CORO7: variants seen among roughly 807,000 people sequenced by gnomAD.
The protein encoded by CORO7 is coronin-7.
CORO7 carries 107 observed loss-of-function variants against 126.6 expected under a neutral mutation model. The ratio of observed to expected loss-of-function variants is 0.85; its 90% CI spans 0.72 to 0.99. CORO7 has a LOEUF of 0.99. Among genes scored for constraint, CORO7 ranks in the 50% least tolerant of loss-of-function variants. The pLI is 0.00. For synonymous variants in CORO7, 603 were observed against 536.8 expected (o/e 1.12, Z -1.70); for missense variants, 1,314 against 1,255.8 (o/e 1.05, Z -0.70).
chr16:4,385,436 C>T (rs1415425408), intron 9 of CORO7, among the ~76,000 whole-genome samples: 2 of 152,148 alleles, frequency 1.3e-5, no homozygotes, highest in Admixed American at 6.5e-5. Flanking sequence ...TTCACCCAGC[C>T]CCCTCACAGG....
chr16:4,382,425 G>C (rs769712492), intron 9 of CORO7: 1 of 1,611,242 alleles, frequency 6.2e-7, no homozygotes, highest in Non-Finnish European at 8.5e-7. Context: ...TGCCTGCCTC[G>C]CTCGCTGAGT....
intron 9 of CORO7, among the ~76,000 whole-genome samples, chr16:4,378,631 T>C (rs1009954119): frequency 6.6e-6 from 1 of 151,702 alleles, no homozygotes; most frequent in Non-Finnish European, 1.5e-5. Context: ...CCCCCTGGGG[T>C]GGGCTGGCCG....
intron 7 of CORO7, among the ~76,000 whole-genome samples, chr16:4,393,188 G>A (rs926709583): frequency 6.6e-6 from 1 of 152,224 alleles, no homozygotes; most frequent in African/African-American, 2.4e-5. Flanking sequence ...CCCCAGCAGT[G>A]CCCTGGGCTC....
chr16:4,392,011 C>A lies in CORO7; in HGVS notation c.615+3278G>T, dbSNP rs192052945. On this transcript the variant is annotated intron_variant, in intron 7 of 27. Coordinates refer to ENST00000251166, the MANE Select transcript of CORO7 (RefSeq NM_024535.5). ...ATGGTTCCAGGAGCAGCCCTGGCTC[C>A]TTGCTGGGGTGAGGGGACCTGCTTC... Among the ~76,000 whole-genome samples the A allele has an allele frequency of 2.0e-4, 31 of 152,306 alleles. 1 individual carries two copies. The highest frequency in any genetic ancestry group is 7.0e-4 in the African/African-American group (29 of 41,550).
In CORO7 at chr16:4,365,535, G is replaced by A; in HGVS notation, c.796C>T (p.Pro266Ser). The change falls in exon 10 of 28, where the codon CCT (proline) becomes TCT (serine). Residue 266 changes from proline (P) to serine (S), a missense_variant. Physicochemically the swap from Pro to Ser is moderately conservative, Grantham distance 74. Transcript: ENST00000251166. ...AGCCCAGAGTCAGGGTCCAGCAGAG[G>A]CACGAGACACCTGGGGAAGAGAGGG... ...TLDTSLGCLV[P>S]LLDPDSGLLV... 2 of 1,581,538 alleles carry A rather than the reference G, an allele frequency of 1.3e-6. No homozygotes were observed. The highest frequency in any genetic ancestry group is 1.7e-6 in the Non-Finnish European group (2 of 1,164,050).
rs540453719 is a variant in CORO7 at position 4,411,020 on chromosome 16, T to G, written c.232+1336A>C. Reference sequence around the variant, plus strand: ...GAAATGGATTAACTGCAAAGGGGCATGCGGGATCTTTTGGGGATGATGGAA... The same window carrying G: ...GAAATGGATTAACTGCAAAGGGGCAGGCGGGATCTTTTGGGGATGATGGAA... On this transcript the variant is annotated intron_variant, in intron 3 of 27. Transcript: ENST00000251166. 2.0e-5 allele frequency among the ~76,000 whole-genome samples: 3 copies of G among 152,324 alleles called. No homozygotes were observed. In the East Asian group the frequency reaches 5.8e-4, roughly 29 times the overall value.
intron 14 of CORO7, among the ~76,000 whole-genome samples, chr16:4,363,790 G>A (rs1025072835): frequency 2.0e-5 from 3 of 151,406 alleles, no homozygotes; most frequent in African/African-American, 4.9e-5. Context: ...AGGCCGAGGC[G>A]GGTGGATCAC....
chr16:4,364,293 C>A lies in CORO7; in HGVS notation c.1258G>T (p.Gly420Cys). ...GTACTTACGCTTGCGTCTGCATCAC[C>A]CACGGGTGTCTCCATCACCGCAGGC... ...AQPAVMETPVGDADASEGFSS... is the reference protein window; with the variant it reads ...AQPAVMETPVCDADASEGFSS... The change falls in exon 14 of 28, where the codon GGT (glycine) becomes TGT (cysteine). Residue 420 changes from glycine to cysteine, a missense_variant. Gly to Cys is a radical substitution (Grantham distance 159, BLOSUM62 -3). Coordinates refer to ENST00000251166, the MANE Select transcript of CORO7 (RefSeq NM_024535.5). The A allele has an allele frequency of 6.5e-7, 1 of 1,548,824 alleles. No homozygotes were observed. The highest frequency in any genetic ancestry group is 8.7e-7 in the Non-Finnish European group (1 of 1,150,384).
At chr16:4,360,766 G>A (rs572444261) in intron 19 of CORO7, among the ~76,000 whole-genome samples, 177 bp downstream of exon 19, 1 of 130,934 alleles carries the variant, frequency 7.6e-6, no homozygotes, top group African/African-American at 3.0e-5. Context: ...CTCACCGCTG[G>A]CCCTGCCCCT....
At chr16:4,369,958 G>A (rs181110107) in intron 9 of CORO7, among the ~76,000 whole-genome samples, 38 of 152,316 alleles carry the variant, frequency 2.5e-4, no homozygotes, top group East Asian at 7.7e-4. Context: ...ACTGAGAGGG[G>A]TCTCCTAAAA....
chr16:4,370,939 G>C (rs995684668), intron 9 of CORO7, among the ~76,000 whole-genome samples: 1 of 152,256 alleles, frequency 6.6e-6, no homozygotes, highest in Non-Finnish European at 1.5e-5. Context: ...AGGCTCTGAG[G>C]CATGACTGAC....
In CORO7 at chr16:4,405,565, G is replaced by A. The variant is rs1567300821; in HGVS notation, c.490C>T (p.Leu164=). ...TGCACCAGGTCCCCATGGGCTGCCA[G>A]CTCTGCAGAGAAGCAGTCACAGTCA... is the stretch of plus-strand genomic sequence containing the variant. ...DAAKQQPLTE[L]AAHGDLVQSA... Residue 164 remains leucine, a splice_region_variant and synonymous_variant, in exon 6 of 28, where the codon CTG becomes TTG. Transcript: ENST00000251166. The A allele has an allele frequency of 1.2e-6, 2 of 1,612,498 alleles. No homozygotes were observed. The highest frequency in any genetic ancestry group is 1.7e-6 in the Non-Finnish European group (2 of 1,179,774).
intron 12 of CORO7, 25 bp from the exon 13 acceptor site, chr16:4,364,714 A>G: frequency 4.4e-6 from 7 of 1,588,138 alleles, no homozygotes; most frequent in Non-Finnish European, 4.3e-6. Flanking sequence ...GCAGGCAGCT[A>G]GTGAGGCCCA....
At chr16:4,381,589 C>T (rs1054910611) in intron 9 of CORO7, 2 of 1,602,218 alleles carry the variant, frequency 1.2e-6, no homozygotes, top group African/African-American at 1.3e-5. Flanking sequence ...GATCCGAGGC[C>T]TCCGGGGCCT....
At chr16:4,405,424 GC>G in intron 6 of CORO7, 66 bp downstream of exon 6, 1 of 1,537,636 alleles carries the variant, frequency 6.5e-7, no homozygotes, top group Non-Finnish European at 8.8e-7. Context: ...GGAAGGCCCA[GC>G]CCAGGGGGTC....
chr16:4,369,377 G>A (rs2054447157), intron 9 of CORO7, among the ~76,000 whole-genome samples: 1 of 152,250 alleles, frequency 6.6e-6, no homozygotes, highest in Non-Finnish European at 1.5e-5. Flanking sequence ...GCCAGGCAGA[G>A]GGCCAGAGGT....
intron 6 of CORO7, among the ~76,000 whole-genome samples, chr16:4,400,797 C>CAATAATAATAATAATAATAATAAT (rs373023916): frequency 2.2e-5 from 3 of 139,338 alleles, no homozygotes; most frequent in Admixed American, 7.3e-5. Context: ...TCCAGCAGTG[C>CAATAATAATAATAATAATAATAAT]AATAATAATA....
At chr16:4,367,909 G>A (rs906094782) in intron 9 of CORO7, among the ~76,000 whole-genome samples, 3 of 152,230 alleles carry the variant, frequency 2.0e-5, no homozygotes, top group Non-Finnish European at 2.9e-5. Flanking sequence ...AGCAAAAGAG[G>A]CTAGGCCAGG....
At chr16:4,398,088 T>C (rs2141290999) in intron 6 of CORO7, among the ~76,000 whole-genome samples, 1 of 151,988 alleles carries the variant, frequency 6.6e-6, no homozygotes, top group South Asian at 2.1e-4. Flanking sequence ...GCTAATGTTT[T>C]AATATTTCTT....
Sources: allele counts gnomAD v4.1 joint callset (sites outside exome capture counted in the v4.1 genomes callset), GRCh38; gene constraint gnomAD v4.1.1; transcripts MANE v1.5; gene names NCBI Gene and HGNC (gene_info 2026-07-23, HGNC 2026-07-21).